The following SBF2 variants were observed in gnomAD, a reference collection of about 807,000 sequenced individuals.
SBF2 encodes myotubularin-related protein 13.
SBF2 carries 112 observed loss-of-function variants against 225.2 expected under a neutral mutation model. That is an observed-to-expected ratio of 0.50 (90% CI 0.43 to 0.58). The LOEUF is 0.58. Ranked by LOEUF, SBF2 falls within the 20% of genes least tolerant of loss-of-function variation. The pLI, the probability that SBF2 is intolerant of heterozygous loss-of-function variation, is 0.00. For synonymous variants in SBF2, 763 were observed against 773.3 expected (o/e 0.99, Z 0.22); for missense variants, 1,996 against 2,206.2 (o/e 0.90, Z 1.91).
chr11:9,918,362 CT>C (rs796631546), intron 16 of SBF2, among the ~76,000 whole-genome samples: 27 of 151,514 alleles, frequency 1.8e-4, no homozygotes, highest in African/African-American at 6.1e-4. Flanking sequence ...CTTTTTATTT[CT>C]TTTTTTTGAG....
chr11:9,817,800 ATGGGAGGATCACT>A (rs1255205738), intron 28 of SBF2, among the ~76,000 whole-genome samples: 1 of 151,312 alleles, frequency 6.6e-6, no homozygotes, highest in African/African-American at 2.4e-5. Flanking sequence ...GGAGGCTGAA[ATGGGAGGATCACT>A]TGACCGCTGG....
At chr11:9,964,118 C>T (rs1211093935) in intron 14 of SBF2, among the ~76,000 whole-genome samples, 1 of 152,090 alleles carries the variant, frequency 6.6e-6, no homozygotes, top group Non-Finnish European at 1.5e-5. Flanking sequence ...GGCATGGTGT[C>T]TTGCACTGTA....
chr11:10,189,398 T>C (rs956361011), intron 2 of SBF2, among the ~76,000 whole-genome samples: 3 of 152,220 alleles, frequency 2.0e-5, no homozygotes, highest in African/African-American at 7.2e-5. Context: ...GTCAGATGGA[T>C]GATTGCTACC....
chr11:9,908,200 G>A (rs1862261503), intron 16 of SBF2, among the ~76,000 whole-genome samples: 3 of 145,920 alleles, frequency 2.1e-5, no homozygotes, highest in Non-Finnish European at 4.7e-5. Context: ...GGAAGGGCTT[G>A]AAGAAAATTT....
At chr11:9,908,037 T>C (rs1432040938) in intron 16 of SBF2, among the ~76,000 whole-genome samples, 2 of 152,322 alleles carry the variant, frequency 1.3e-5, no homozygotes, top group South Asian at 2.1e-4. Context: ...TCAAGTAAGA[T>C]ACTGAACTGA....
Position 10,002,645 on chromosome 11 carries a change from T to C in SBF2, c.664A>G (p.Asn222Asp). 6.2e-7 allele frequency: 1 copy of C among 1,613,306 alleles called. No individual in the cohort carries two copies. The highest frequency in any genetic ancestry group is 8.5e-7 in the Non-Finnish European group (1 of 1,179,318). Reference protein sequence around the residue: ...LSLFCAVLTENKVLFHSASFQ... With the variant: ...LSLFCAVLTEDKVLFHSASFQ... ...CTTGCAGAATGGAAGAGAACCTTAT[T>C]TTCTGTGAGGACTGCACAAAAGAGG... The change falls in exon 7 of 40, where the codon AAT (asparagine) becomes GAT (aspartate). Residue 222 changes from asparagine (N) to aspartate (D), a missense_variant. Coordinates refer to ENST00000256190, the MANE Select transcript of SBF2 (RefSeq NM_030962.4).
At chr11:10,013,208 C>G (rs1213845419) in intron 6 of SBF2, among the ~76,000 whole-genome samples, 1 of 152,218 alleles carries the variant, frequency 6.6e-6, no homozygotes, top group Non-Finnish European at 1.5e-5. Flanking sequence ...GTAATTCAGA[C>G]AGGCATCTGA....
intron 35 of SBF2, 95 bp downstream of exon 35, chr11:9,789,014 G>A (rs1852565068): frequency 2.9e-6 from 3 of 1,019,868 alleles, no homozygotes; most frequent in Non-Finnish European, 4.6e-6. Flanking sequence ...TCAGAGTAAG[G>A]AGAGCCATGT....
chr11:10,060,210 C>T (rs916668740), intron 2 of SBF2, among the ~76,000 whole-genome samples: 3 of 152,022 alleles, frequency 2.0e-5, no homozygotes, highest in Non-Finnish European at 4.4e-5. Context: ...CTACTGAACC[C>T]ACAGAAACAA....
At position 9,787,701 on chromosome 11, in the gene SBF2, G is replaced by A. The variant is rs771021009; in HGVS notation, c.4970C>T (p.Pro1657Leu). 1.2e-6 allele frequency: 2 copies of A among 1,614,074 alleles called. No homozygotes were observed. The highest frequency in any genetic ancestry group is 1.7e-5 in the Admixed American group (1 of 60,002). Residue 1657 changes from proline (P) to leucine (L), a missense_variant, in exon 36 of 40, where the codon CCT (proline) becomes CTT (leucine). By Grantham distance (98) the Pro-to-Leu change is moderately conservative. Coordinates refer to ENST00000256190, the MANE Select transcript of SBF2 (RefSeq NM_030962.4). ...EKLEHKLNQAPEKWQQLWERV... is the reference protein window; with the variant it reads ...EKLEHKLNQALEKWQQLWERV... ...TTCCCACAGCTGCTGCCACTTCTCA[G>A]GGGCTTGGTTCAATTTGTGCTCCAA...
intron 2 of SBF2, chr11:10,164,884 T>A (rs1202711282): frequency 6.6e-6 from 1 of 152,220 alleles, no homozygotes; most frequent in African/African-American, 2.4e-5. Context: ...AGGGCATCTC[T>A]TAGCAAGTTT....
At chr11:10,193,153 C>A (rs1957238797) in intron 2 of SBF2, among the ~76,000 whole-genome samples, 1 of 151,960 alleles carries the variant, frequency 6.6e-6, no homozygotes, top group African/African-American at 2.4e-5. Context: ...CAAGCCATGA[C>A]TGGTCAACAT....
At chr11:9,832,538 C>T (rs971947827) in intron 26 of SBF2, 118 bp from the exon 27 acceptor site, 1 of 719,452 alleles carries the variant, frequency 1.4e-6, no homozygotes, top group African/African-American at 1.8e-5. Context: ...ATACTAATAT[C>T]ATAGTAATTT....
chr11:9,988,106 C>G (rs775869284), intron 13 of SBF2, among the ~76,000 whole-genome samples: 1 of 152,050 alleles, frequency 6.6e-6, no homozygotes, highest in Non-Finnish European at 1.5e-5. Context: ...AGAAATAGAC[C>G]TAAATACTTA....
chr11:10,194,814 A>G (rs564570212), intron 1 of SBF2, among the ~76,000 whole-genome samples: 1 of 152,254 alleles, frequency 6.6e-6, no homozygotes, highest in African/African-American at 2.4e-5. Context: ...CCTGGCCATT[A>G]TTCTGTAAGA....
intron 16 of SBF2, among the ~76,000 whole-genome samples, chr11:9,920,697 TAC>T (rs946331056): frequency 1.7e-4 from 26 of 152,278 alleles, no homozygotes; most frequent in African/African-American, 6.0e-4. Context: ...GGTTTTAAAA[TAC>T]TAGCTGCAGA....
intron 9 of SBF2, among the ~76,000 whole-genome samples, chr11:9,995,033 TC>T (rs2134481052): frequency 1.1e-5 from 1 of 94,450 alleles, no homozygotes; most frequent in Non-Finnish European, 2.2e-5. Flanking sequence ...ATAACAAGAC[TC>T]TGTCTCAAAA....
chr11:10,257,744 C>CCCA (rs1246347248), intron 1 of SBF2, among the ~76,000 whole-genome samples: 1 of 149,398 alleles, frequency 6.7e-6, no homozygotes, highest in Non-Finnish European at 1.5e-5. Flanking sequence ...CGCCTATAAT[C>CCCA]CCAGCACTTT....
intron 28 of SBF2, among the ~76,000 whole-genome samples, chr11:9,818,108 G>GCCTT (rs1451966530): frequency 6.6e-6 from 1 of 152,046 alleles, no homozygotes. Context: ...ACCATGCCTG[G>GCCTT]CTAATTTTGT....
Sources: allele counts gnomAD v4.1 joint callset (sites outside exome capture counted in the v4.1 genomes callset), GRCh38; gene constraint gnomAD v4.1.1; transcripts MANE v1.5; gene names NCBI Gene and HGNC (gene_info 2026-07-23, HGNC 2026-07-21).